ABCC4: variants seen among roughly 807,000 people sequenced by gnomAD.
ABCC4 encodes ATP-binding cassette sub-family C member 4.
ABCC4 carries 102 observed loss-of-function variants against 168.5 expected under a neutral mutation model. That is an observed-to-expected ratio of 0.61 (90% CI 0.52 to 0.71). ABCC4 has a LOEUF of 0.71. Ranked by LOEUF, ABCC4 falls within the 30% of genes least tolerant of loss-of-function variation. The probability of loss-of-function intolerance (pLI) is 0.00; values close to 1 mark genes in which losing one functional copy is unlikely to be tolerated. For synonymous variants in ABCC4, 617 were observed against 590.7 expected (o/e 1.04, Z -0.65); for missense variants, 1,402 against 1,605.8 (o/e 0.87, Z 2.17).
chr13:95,099,599 G>A (rs1003928082), intron 20 of ABCC4, among the ~76,000 whole-genome samples: 16 of 152,212 alleles, frequency 1.1e-4, no homozygotes, highest in African/African-American at 3.1e-4. Flanking sequence ...CAACCATAAC[G>A]CTAAGAGATG....
Position 95,071,686 on chromosome 13 carries a change from T to G in ABCC4, c.3186A>C (p.Thr1062=), listed in dbSNP as rs1191664407. 3.3e-6 allele frequency: 5 copies of G among 1,503,644 alleles called. 1 individual carries two copies. The South Asian group carries it at 6.9e-5, about 21-fold the overall frequency. 93.1% of individuals were successfully genotyped at this position (1,503,644 alleles called of 1,614,324 possible). A position where few individuals can be genotyped will look rare whatever the true frequency, so the allele number is the denominator to read the frequency against. The part of the protein sequence containing the change: ...PGGPLVLKHL[T]ALIKSQEKVG... The stretch of plus-strand genomic sequence containing the variant: ...CCTTTTCTTGTGATTTAATGAGTGC[T>G]GTCAGATGCTTCAGTACCAGAGGCC... Residue 1062 remains threonine (T), a synonymous_variant, in exon 25 of 31, where the codon ACA becomes ACC. Coordinates refer to ENST00000645237, the MANE Select transcript of ABCC4 (RefSeq NM_005845.5).
At chr13:95,029,853 A>C (rs2031781178) in intron 30 of ABCC4, among the ~76,000 whole-genome samples, 1 of 152,200 alleles carries the variant, frequency 6.6e-6, no homozygotes, top group South Asian at 2.1e-4. Flanking sequence ...CAATCCTGGC[A>C]TGACAGGTGA....
intron 13 of ABCC4, among the ~76,000 whole-genome samples, chr13:95,176,104 C>T (rs570351059): frequency 1.3e-5 from 2 of 151,962 alleles, no homozygotes; most frequent in South Asian, 2.1e-4. Flanking sequence ...CAGCCAAGCC[C>T]GGCCCTCAGT....
chr13:95,210,300 G>A (rs1257002635), intron 5 of ABCC4, among the ~76,000 whole-genome samples: 9 of 152,174 alleles, frequency 5.9e-5, no homozygotes, highest in African/African-American at 9.7e-5. Flanking sequence ...GCAACAAGGC[G>A]TGATCCCTTC....
intron 1 of ABCC4, among the ~76,000 whole-genome samples, chr13:95,285,808 TAA>T (rs1382320098): frequency 1.3e-5 from 2 of 152,092 alleles, no homozygotes; most frequent in African/African-American, 4.8e-5. Context: ...AGGAGAGTAT[TAA>T]ATGCCAAAGA....
At chr13:95,028,433 C>T (rs946976447) in intron 30 of ABCC4, among the ~76,000 whole-genome samples, 1 of 151,882 alleles carries the variant, frequency 6.6e-6, no homozygotes, top group Non-Finnish European at 1.5e-5. Flanking sequence ...GAAACTGATG[C>T]GTAAAACAGA....
chr13:95,097,132 G>C, intron 20 of ABCC4, among the ~76,000 whole-genome samples: 1 of 151,908 alleles, frequency 6.6e-6, no homozygotes, highest in Non-Finnish European at 1.5e-5. Context: ...AAAATAGATT[G>C]CAATAAACTT....
chr13:95,054,925 T>C (rs1441691560), intron 26 of ABCC4, among the ~76,000 whole-genome samples: 2 of 152,178 alleles, frequency 1.3e-5, no homozygotes, highest in Non-Finnish European at 2.9e-5. Context: ...GAAATGGATG[T>C]AGAAGGCAGA....
At chr13:95,285,075 G>A (rs1594442215) in intron 1 of ABCC4, among the ~76,000 whole-genome samples, 1 of 151,796 alleles carries the variant, frequency 6.6e-6, no homozygotes. Flanking sequence ...GTGAGATCTC[G>A]TCTCTACAAA....
intron 30 of ABCC4, among the ~76,000 whole-genome samples, chr13:95,025,265 C>A (rs199981273): frequency 5.5e-4 from 34 of 61,410 alleles, no homozygotes; most frequent in East Asian, 1.6e-3. Context: ...ACACACACCC[C>A]CACACCCCCA....
At chr13:95,131,615 C>A (rs2035967075) in intron 19 of ABCC4, among the ~76,000 whole-genome samples, 1 of 151,802 alleles carries the variant, frequency 6.6e-6, no homozygotes, top group South Asian at 2.1e-4. Flanking sequence ...GGCAACAGAG[C>A]AAGACTGTCT....
intron 19 of ABCC4, among the ~76,000 whole-genome samples, chr13:95,133,108 CTTTTTTT>C (rs761691210): frequency 1.3e-3 from 140 of 110,674 alleles, no homozygotes; most frequent in African/African-American, 4.7e-3. Flanking sequence ...GATTTTAAAA[CTTTTTTT>C]TTTTTTTTTT....
At position 95,183,896 on chromosome 13, in the gene ABCC4, A is replaced by G. The variant is rs958196100; in HGVS notation, c.1545+2805T>C. 4.0e-5 allele frequency among the ~76,000 whole-genome samples: 6 copies of G among 150,204 alleles called. No individual in the cohort carries two copies. In the South Asian group the frequency reaches 1.0e-3, roughly 26 times the overall value. On this transcript the variant is annotated intron_variant, in intron 11 of 30. Coordinates refer to ENST00000645237, the MANE Select transcript of ABCC4 (RefSeq NM_005845.5). ...ACCATTAGACTCCAGCCTGGGTGACAGAGCGAGACTCCATCTCAAAAAAAA... is the reference window on the plus strand; with the variant it reads ...ACCATTAGACTCCAGCCTGGGTGACGGAGCGAGACTCCATCTCAAAAAAAA...
At chr13:95,223,976 T>C (rs1347424426) in intron 4 of ABCC4, among the ~76,000 whole-genome samples, 1 of 152,094 alleles carries the variant, frequency 6.6e-6, no homozygotes, top group Non-Finnish European at 1.5e-5. Flanking sequence ...AATAGTTTAA[T>C]ATATATGTAA....
chr13:95,087,176 A>G (rs923137851), intron 20 of ABCC4, among the ~76,000 whole-genome samples: 1 of 152,126 alleles, frequency 6.6e-6, no homozygotes, highest in African/African-American at 2.4e-5. Flanking sequence ...AAATTCTTCT[A>G]CTTATTTATT....
At chr13:95,214,890 A>C in intron 4 of ABCC4, among the ~76,000 whole-genome samples, 1 of 151,222 alleles carries the variant, frequency 6.6e-6, no homozygotes, top group Non-Finnish European at 1.5e-5. Context: ...AATTCAAAAA[A>C]AAAAAAAAAA....
chr13:95,188,425 C>A (rs1320502915), intron 10 of ABCC4, 28 bp downstream of exon 10: 1 of 1,608,798 alleles, frequency 6.2e-7, no homozygotes, highest in African/African-American at 1.3e-5. Flanking sequence ...GGGGTTGCAA[C>A]AAGCTGCCAA....
intron 26 of ABCC4, among the ~76,000 whole-genome samples, chr13:95,059,897 G>A (rs2033220660): frequency 6.6e-6 from 1 of 152,172 alleles, no homozygotes; most frequent in South Asian, 2.1e-4. Context: ...AAATCTGTAA[G>A]TTAGTAATTA....
At position 95,159,655 on chromosome 13, in the gene ABCC4, C is replaced by T. The variant is rs770032380; in HGVS notation, c.2455+1534G>A. ...AGTTTCAAATTAACTGGCAAAGTGG[C>T]GCAACGTTACAGCTGTAATAGCGCA... On this transcript the variant is annotated intron_variant, in intron 19 of 30. Coordinates refer to ENST00000645237, the MANE Select transcript of ABCC4 (RefSeq NM_005845.5). Among the ~76,000 whole-genome samples, 15 of 152,300 alleles carry T rather than the reference C, an allele frequency of 9.8e-5. 1 individual carries two copies. The highest frequency in any genetic ancestry group is 6.2e-4 in the South Asian group (3 of 4,826).
Sources: allele counts gnomAD v4.1 joint callset (sites outside exome capture counted in the v4.1 genomes callset), GRCh38; gene constraint gnomAD v4.1.1; transcripts MANE v1.5; gene names NCBI Gene and HGNC (gene_info 2026-07-23, HGNC 2026-07-21).